Variants in NKAIN2 observed in about 807,000 individuals in gnomAD.
NKAIN2 encodes sodium/potassium-transporting ATPase subunit beta-1-interacting protein 2.
NKAIN2 carries 14 observed loss-of-function variants against 32.6 expected under a neutral mutation model. The observed-to-expected ratio is 0.43, with a 90% CI of 0.28 to 0.67. The LOEUF (loss-of-function observed/expected upper bound fraction) is 0.67. Ranked by LOEUF, NKAIN2 falls within the 30% of genes least tolerant of loss-of-function variation. The pLI is 0.17. For synonymous variants in NKAIN2, 80 were observed against 87.2 expected, an observed-to-expected ratio of 0.92 and a Z score of 0.46; for missense variants, 198 against 258.3, an observed-to-expected ratio of 0.77 and a Z score of 1.60.
chr6:124,677,819 A>G (rs1202300934), intron 4 of NKAIN2, among the ~76,000 whole-genome samples: 2 of 151,900 alleles, frequency 1.3e-5, no homozygotes, highest in East Asian at 1.9e-4. Context: ...TTCTATTTTC[A>G]TATGCTTTTG....
chr6:124,021,160 A>G (rs9482502), intron 1 of NKAIN2, among the ~76,000 whole-genome samples: 8,441 of 152,106 alleles, frequency 0.055, 801 homozygotes, highest in African/African-American at 0.19. Context: ...AGGATTTTTC[A>G]ACACAGGGAA....
intron 1 of NKAIN2, among the ~76,000 whole-genome samples, chr6:124,126,382 C>T (rs1420301083): frequency 6.6e-6 from 1 of 152,196 alleles, no homozygotes. Flanking sequence ...GCCATCTCTT[C>T]CTTCATTCTC....
At chr6:124,329,858 G>A (rs767554294) in intron 2 of NKAIN2, among the ~76,000 whole-genome samples, 24 of 152,048 alleles carry the variant, frequency 1.6e-4, no homozygotes, top group Non-Finnish European at 1.2e-4. Context: ...TTCTAAGATC[G>A]TATGTTGTTG....
intron 1 of NKAIN2, among the ~76,000 whole-genome samples, chr6:123,885,974 T>TC (rs200459488): frequency 7.5e-6 from 1 of 133,294 alleles, no homozygotes; most frequent in Non-Finnish European, 1.6e-5. Context: ...AGAACAAGAG[T>TC]CCCCCCAACT....
At chr6:124,598,858 T>C (rs912497934) in intron 3 of NKAIN2, among the ~76,000 whole-genome samples, 113 of 152,072 alleles carry the variant, frequency 7.4e-4, no homozygotes, top group African/African-American at 2.6e-3. Context: ...TTTATGGATA[T>C]ATGCCCATGT....
chr6:124,344,107 G>C (rs1279358327), intron 2 of NKAIN2, among the ~76,000 whole-genome samples: 2 of 152,012 alleles, frequency 1.3e-5, no homozygotes, highest in East Asian at 1.9e-4. Flanking sequence ...CCCATTGCTT[G>C]TTTTTCTCAG....
intron 1 of NKAIN2, among the ~76,000 whole-genome samples, chr6:123,958,153 C>A (rs1291265618): frequency 6.6e-6 from 1 of 152,028 alleles, no homozygotes; most frequent in Non-Finnish European, 1.5e-5. Context: ...ATAGCTAGGA[C>A]ACCGACCAGT....
At chr6:124,337,462 G>A (rs918010375) in intron 2 of NKAIN2, among the ~76,000 whole-genome samples, 2 of 152,164 alleles carry the variant, frequency 1.3e-5, no homozygotes, top group African/African-American at 4.8e-5. Flanking sequence ...AGCCGAGATT[G>A]CTCCACTGCA....
chr6:124,709,010 C>G (rs1475684655), intron 4 of NKAIN2, among the ~76,000 whole-genome samples: 1 of 141,382 alleles, frequency 7.1e-6, no homozygotes, highest in Admixed American at 7.1e-5. Flanking sequence ...TGAGATACGT[C>G]CCGTCAATAC....
In NKAIN2 at chr6:124,519,445, T is replaced by C. The variant is rs374229232; in HGVS notation, c.274-138741T>C. On this transcript the variant is annotated intron_variant, in intron 3 of 6. Coordinates refer to ENST00000368417, the MANE Select transcript of NKAIN2 (RefSeq NM_001040214.3). ...TGAAAATAGCACACAAGAATTACACTACTGGAGAGGATTTGTGAAATTTGT... is the reference window on the plus strand; with the variant it reads ...TGAAAATAGCACACAAGAATTACACCACTGGAGAGGATTTGTGAAATTTGT... 1.9e-3 allele frequency among the ~76,000 whole-genome samples: 294 copies of C among 152,306 alleles called. 1 individual carries two copies. The highest frequency in any genetic ancestry group is 6.8e-3 in the African/African-American group (281 of 41,576).
At chr6:124,645,108 C>G (rs1276893312) in intron 3 of NKAIN2, among the ~76,000 whole-genome samples, 1 of 152,112 alleles carries the variant, frequency 6.6e-6, no homozygotes, top group African/African-American at 2.4e-5. Context: ...AACAGTGAGA[C>G]AAGAAGTTTC....
At chr6:124,311,974 G>A (rs1038254630) in intron 2 of NKAIN2, among the ~76,000 whole-genome samples, 1 of 152,134 alleles carries the variant, frequency 6.6e-6, no homozygotes, top group Non-Finnish European at 1.5e-5. Context: ...ATTGACCACT[G>A]TTAACCTCTA....
intron 5 of NKAIN2, among the ~76,000 whole-genome samples, chr6:124,806,314 AAG>A (rs1780558488): frequency 6.6e-6 from 1 of 152,230 alleles, no homozygotes; most frequent in Non-Finnish European, 1.5e-5. Context: ...TACAAGCCAG[AAG>A]AGAGTGAGGG....
intron 3 of NKAIN2, among the ~76,000 whole-genome samples, chr6:124,417,485 CTTGCTTAT>C (rs1187981710): frequency 1.4e-5 from 1 of 72,128 alleles, no homozygotes; most frequent in Non-Finnish European, 2.7e-5. Flanking sequence ...TTCTGCTAAT[CTTGCTTAT>C]TTATTTATTT....
At chr6:123,870,449 G>GAACACTAAGAACAAAACTTTGTCCCACTA (rs1452996534) in intron 1 of NKAIN2, among the ~76,000 whole-genome samples, 4 of 152,078 alleles carry the variant, frequency 2.6e-5, no homozygotes, top group Non-Finnish European at 1.5e-5. Context: ...TCCCACCAGA[G>GAACACTAAGAACAAAACTTTGTCCCACTA]AGAACAAAAA....
intron 1 of NKAIN2, among the ~76,000 whole-genome samples, chr6:124,036,281 A>C (rs932227734): frequency 1.3e-5 from 2 of 152,046 alleles, no homozygotes; most frequent in Non-Finnish European, 2.9e-5. Flanking sequence ...GTGGCATTTG[A>C]GTTATGTATT....
intron 3 of NKAIN2, among the ~76,000 whole-genome samples, chr6:124,540,771 T>G (rs566395977): frequency 6.6e-6 from 1 of 152,340 alleles, no homozygotes; most frequent in South Asian, 2.1e-4. Flanking sequence ...TCACTTTCAT[T>G]ATAATATTTA....
chr6:123,821,946 T>C (rs1773941116), intron 1 of NKAIN2, among the ~76,000 whole-genome samples: 1 of 127,394 alleles, frequency 7.8e-6, no homozygotes, highest in Non-Finnish European at 1.6e-5. Flanking sequence ...TTGAACACTT[T>C]TTCTTTTCAG....
chr6:124,137,005 A>G (rs1320132594), intron 1 of NKAIN2, among the ~76,000 whole-genome samples: 1 of 152,156 alleles, frequency 6.6e-6, no homozygotes, highest in Non-Finnish European at 1.5e-5. Context: ...TGTAAGTCCT[A>G]GCCAGAGCAA....
Sources: allele counts gnomAD v4.1 joint callset (sites outside exome capture counted in the v4.1 genomes callset), GRCh38; gene constraint gnomAD v4.1.1; transcripts MANE v1.5; gene names NCBI Gene and HGNC (gene_info 2026-07-23, HGNC 2026-07-21).